Variants in KCNMA1 observed in about 807,000 individuals in gnomAD.
KCNMA1 encodes the protein potassium calcium-activated channel subfamily M alpha 1.
In KCNMA1, 29 loss-of-function variants were observed where a neutral mutation model predicts 140.0. That is an observed-to-expected ratio of 0.21 (90% CI 0.15 to 0.28). KCNMA1 has a LOEUF of 0.28. KCNMA1 is among the 10% of genes least tolerant of loss of function. KCNMA1 has a pLI of 1.00. For synonymous variants in KCNMA1, 612 were observed against 611.9 expected, an observed-to-expected ratio of 1.00 and a Z score of 0.00; for missense variants, 880 against 1,602.2, an observed-to-expected ratio of 0.55 and a Z score of 7.70.
chr10:77,306,404 C>T (rs1249391702), intron 2 of KCNMA1, among the ~76,000 whole-genome samples: 1 of 152,162 alleles, frequency 6.6e-6, no homozygotes, highest in Admixed American at 6.5e-5. Context: ...GGAGGCTAAG[C>T]AAAAGGTGGG....
intron 3 of KCNMA1, among the ~76,000 whole-genome samples, chr10:77,205,513 A>T (rs1002911532): frequency 6.6e-6 from 1 of 152,332 alleles, no homozygotes; most frequent in Admixed American, 6.5e-5. Context: ...AGAGTAACTT[A>T]TCTTACTGGA....
chr10:76,880,257 G>A (rs1382272829), downstream of KCNMA1, among the ~76,000 whole-genome samples: 2 of 152,102 alleles, frequency 1.3e-5, no homozygotes, highest in Non-Finnish European at 2.9e-5. Context: ...CTGTAAGAAA[G>A]AGAGCATTAT....
intron 1 of KCNMA1, among the ~76,000 whole-genome samples, chr10:77,456,628 G>T (rs1173348368): frequency 6.6e-6 from 1 of 152,174 alleles, no homozygotes; most frequent in Non-Finnish European, 1.5e-5. Flanking sequence ...GAGGAGACTG[G>T]GCCCTCTTTC....
chr10:77,284,023 A>G (rs957625730), intron 2 of KCNMA1, among the ~76,000 whole-genome samples: 1 of 152,206 alleles, frequency 6.6e-6, no homozygotes, highest in African/African-American at 2.4e-5. Context: ...AGAGAACAGC[A>G]TGTGCAAACA....
chr10:77,316,193 C>A (rs1359867563), intron 2 of KCNMA1, among the ~76,000 whole-genome samples: 1 of 152,124 alleles, frequency 6.6e-6, no homozygotes, highest in Non-Finnish European at 1.5e-5. Flanking sequence ...TCCCCTCTGG[C>A]CAACAGAAGG....
chr10:77,425,750 T>C (rs2096972914), intron 1 of KCNMA1, among the ~76,000 whole-genome samples: 1 of 152,154 alleles, frequency 6.6e-6, no homozygotes, highest in Admixed American at 6.5e-5. Flanking sequence ...TCAGGACCTG[T>C]CTCCAAAGGC....
chr10:77,053,461 C>T lies in KCNMA1; in HGVS notation c.1750-13824G>A, dbSNP rs78397168. ...GGAGTGGAGGGTGAATTGCCAGAGA[C>T]GCTGAAGGGGTTGGGAAAACCAGTG... On this transcript the variant is annotated intron_variant, in intron 14 of 27. Transcript: ENST00000286628. Among the ~76,000 whole-genome samples, 1,028 of 152,224 alleles carry T rather than the reference C, an allele frequency of 6.8e-3. 8 individuals carry two copies. The highest frequency in any genetic ancestry group is 0.023 in the African/African-American group (974 of 41,532).
intron 1 of KCNMA1, among the ~76,000 whole-genome samples, chr10:77,529,893 G>A (rs1428657224): frequency 1.3e-5 from 2 of 152,044 alleles, no homozygotes; most frequent in Non-Finnish European, 2.9e-5. Flanking sequence ...CTTTCTTCAA[G>A]GGAGCCAAGT....
intron 14 of KCNMA1, among the ~76,000 whole-genome samples, chr10:77,046,125 CAAG>C (rs1429160528): frequency 6.6e-6 from 1 of 152,174 alleles, no homozygotes; most frequent in Non-Finnish European, 1.5e-5. Flanking sequence ...AGTGTATTCA[CAAG>C]AACTTACTAC....
At chr10:77,211,895 G>A (rs994431499) in intron 3 of KCNMA1, among the ~76,000 whole-genome samples, 4 of 152,124 alleles carry the variant, frequency 2.6e-5, no homozygotes, top group African/African-American at 9.7e-5. Flanking sequence ...ACCACAATGA[G>A]ATACCGTCTC....
chr10:77,228,290 T>A (rs2052277527), intron 3 of KCNMA1, among the ~76,000 whole-genome samples: 1 of 152,124 alleles, frequency 6.6e-6, no homozygotes, highest in Non-Finnish European at 1.5e-5. Context: ...TTTAGAAAAC[T>A]CTCAGCCAGA....
At chr10:77,091,826 G>A (rs888423691) in intron 9 of KCNMA1, 1 of 152,240 alleles carries the variant, frequency 6.6e-6, no homozygotes, top group Non-Finnish European at 1.5e-5. Context: ...TCCATTAGAT[G>A]CCATTATAAG....
intron 1 of KCNMA1, chr10:77,587,638 G>T (rs1025736995): frequency 1.1e-6 from 1 of 924,692 alleles, no homozygotes; most frequent in Non-Finnish European, 1.3e-6. Context: ...GCCCCTGAGT[G>T]TCCGGTGCTC....
chr10:77,396,685 C>T (rs2096066801), intron 2 of KCNMA1, among the ~76,000 whole-genome samples: 1 of 152,126 alleles, frequency 6.6e-6, no homozygotes, highest in African/African-American at 2.4e-5. Flanking sequence ...TAAAATGCCA[C>T]ACATGCAACA....
intron 1 of KCNMA1, chr10:77,636,147 G>T: frequency 1.5e-6 from 2 of 1,328,452 alleles, no homozygotes; most frequent in Non-Finnish European, 2.0e-6. Flanking sequence ...GTTCGCGCGT[G>T]AAGTCCCCTA....
intron 1 of KCNMA1, among the ~76,000 whole-genome samples, chr10:77,484,969 A>G (rs2098444175): frequency 6.6e-6 from 1 of 152,204 alleles, no homozygotes. Context: ...CCAAGAAATC[A>G]CACACCATCC....
chr10:77,245,874 C>T (rs984281081), intron 3 of KCNMA1, among the ~76,000 whole-genome samples: 2 of 152,124 alleles, frequency 1.3e-5, no homozygotes, highest in African/African-American at 2.4e-5. Context: ...TTGCAAAATG[C>T]TGCCACTCCA....
intron 1 of KCNMA1, among the ~76,000 whole-genome samples, chr10:77,439,009 G>A (rs1484419448): frequency 2.1e-5 from 3 of 144,832 alleles, no homozygotes; most frequent in South Asian, 2.3e-4. Context: ...CCGGGAGGCC[G>A]AGGCCGAGCC....
In KCNMA1 at chr10:77,189,237, A is replaced by G. The variant is rs140271057; in HGVS notation, c.603-4321T>C. Among the ~76,000 whole-genome samples the G allele has an allele frequency of 6.5e-3, 990 of 152,178 alleles. 9 individuals are homozygous for G. Among genetic ancestry groups the G allele is most frequent in the African/African-American group, 0.022 (908 of 41,524 alleles). ...CCTTTCTTGCAACTACACACTAATT[A>G]TAGGTGTTGCTGCTCGAGAAGCTTC... On this transcript the variant is annotated intron_variant, in intron 3 of 27. Coordinates refer to ENST00000286628, the MANE Select transcript of KCNMA1 (RefSeq NM_001161352.2).
Sources: allele counts gnomAD v4.1 joint callset (sites outside exome capture counted in the v4.1 genomes callset), GRCh38; gene constraint gnomAD v4.1.1; transcripts MANE v1.5; gene names NCBI Gene and HGNC (gene_info 2026-07-23, HGNC 2026-07-21).